Variants in SERHL2 observed in about 807,000 individuals in gnomAD.
SERHL2 encodes the protein serine hydrolase-like protein 2.
A neutral mutation model predicts 25.5 loss-of-function variants in SERHL2; 29 were observed. That is an observed-to-expected ratio of 1.14 (90% confidence interval 0.85 to 1.55). The LOEUF (loss-of-function observed/expected upper bound fraction) is 1.55, where lower values mean the gene tolerates loss of function less well. Among genes scored for constraint, SERHL2 ranks in the 40% most tolerant of loss-of-function variants. The probability of loss-of-function intolerance (pLI) is 0.00; values close to 1 mark genes in which losing one functional copy is unlikely to be tolerated. For missense variants in SERHL2, 240 were observed against 252.3 expected (o/e 0.95, Z 0.33); for synonymous variants, 95 against 103.5 (o/e 0.92, Z 0.50).
At chr22:42,568,330 T>C (rs1417962984) in intron 9 of SERHL2, among the ~76,000 whole-genome samples, 4 of 150,080 alleles carry the variant, frequency 2.7e-5, no homozygotes, top group Admixed American at 1.3e-4. Flanking sequence ...GCCATTGTAA[T>C]TGTTTTTCTA....
intron 1 of SERHL2, 144 bp downstream of exon 1, chr22:42,554,186 TGA>T: frequency 9.6e-7 from 1 of 1,043,464 alleles, no homozygotes; most frequent in Non-Finnish European, 1.4e-6. Context: ...TCCCGGGGCA[TGA>T]GAGCGCGACC....
At position 42,574,343 on chromosome 22, in the gene SERHL2, T is replaced by C. The variant is rs574792395; in HGVS notation, c.*288T>C. On this transcript the variant is annotated 3_prime_UTR_variant, in exon 12 of 12. Transcript: ENST00000327678. ...CTGGGCCCACCTAGCCTTTCCCTGCTGCCCAACTGGATGGAAAATAAAAGG... is the reference window on the plus strand; with the variant it reads ...CTGGGCCCACCTAGCCTTTCCCTGCCGCCCAACTGGATGGAAAATAAAAGG... 94 of 520,910 alleles carry C rather than the reference T, an allele frequency of 1.8e-4. No individual in the cohort carries two copies. Among genetic ancestry groups the C allele is most frequent in the African/African-American group, 1.6e-3 (86 of 52,124 alleles). 32.3% of individuals were successfully genotyped at this position (520,910 alleles called of 1,614,324 possible).
intron 10 of SERHL2, among the ~76,000 whole-genome samples, chr22:42,572,147 G>T (rs564100196): frequency 1.6e-3 from 238 of 152,206 alleles, no homozygotes; most frequent in African/African-American, 5.4e-3. Context: ...CGCCTGTTCA[G>T]ATCCCAGCTC....
intron 1 of SERHL2, 32 bp downstream of exon 1, chr22:42,554,074 A>G (rs1300488890): frequency 1.9e-6 from 3 of 1,610,734 alleles, no homozygotes; most frequent in Non-Finnish European, 2.5e-6. Context: ...CGAGCGTCCC[A>G]CTGCCCACCC....
chr22:42,570,991 G>A, intron 9 of SERHL2, 130 bp from the exon 10 acceptor site: 5 of 1,338,354 alleles, frequency 3.7e-6, no homozygotes, highest in South Asian at 1.3e-5. Flanking sequence ...GTGGGGTCCT[G>A]GGCTCAGACC....
intron 9 of SERHL2, among the ~76,000 whole-genome samples, chr22:42,568,148 G>A (rs146374074): frequency 1.6e-4 from 24 of 151,648 alleles, no homozygotes; most frequent in Admixed American, 1.1e-3. Flanking sequence ...CTCAGCCTCC[G>A]GAGTGGCTAG....
Position 42,572,445 on chromosome 22 carries a change from C to T in SERHL2, c.741C>T (p.His247=), listed in dbSNP as rs763211700. The change falls in exon 11 of 12, where the codon CAC becomes CAT. Residue 247 remains histidine (H), a synonymous_variant. Transcript: ENST00000327678. ...QAHVLLIKAV[H]GYFDSRQNYS... ...ACTCCTCACTTTCCAGAGCAGTCCACGGATATTTTGATTCAAGACAGAATT... is the reference window on the plus strand; with the variant it reads ...ACTCCTCACTTTCCAGAGCAGTCCATGGATATTTTGATTCAAGACAGAATT... 2.7e-5 allele frequency: 44 copies of T among 1,609,620 alleles called. No homozygotes were observed. The highest frequency in any genetic ancestry group is 3.6e-5 in the Non-Finnish European group (42 of 1,176,478).
At chr22:42,573,368 C>G (rs1449474076) in intron 11 of SERHL2, 2 of 152,076 alleles carry the variant, frequency 1.3e-5, no homozygotes, top group South Asian at 2.1e-4. Flanking sequence ...CTCAGCCTCC[C>G]GAGTAGCTGG....
rs1341551088 is a variant in SERHL2, at chr22:42,566,285, T to A, written c.614-19T>A. On this transcript the variant is annotated intron_variant, in intron 8 of 11. Coordinates refer to ENST00000327678, the MANE Select transcript of SERHL2 (RefSeq NM_014509.5). ...GATGGACAGCATTGACGCTGCTGTC[T>A]TTGTGCTTCCGCCTCCAGGTCTGGT... 1 of 1,610,578 alleles carries A rather than the reference T, an allele frequency of 6.2e-7. No homozygotes were observed. The highest frequency in any genetic ancestry group is 8.5e-7 in the Non-Finnish European group (1 of 1,178,430).
chr22:42,556,341 A>C, intron 5 of SERHL2, 173 bp from the exon 6 acceptor site: 1 of 541,918 alleles, frequency 1.8e-6, no homozygotes, highest in Non-Finnish European at 3.4e-6. Context: ...GTGCAGACTT[A>C]GGGGTGGTGG....
In SERHL2 at chr22:42,572,628, C is replaced by T. The variant is rs768185911; in HGVS notation, c.825+99C>T. 1.4e-4 allele frequency: 207 copies of T among 1,494,948 alleles called. 1 individual carries two copies. The highest frequency in any genetic ancestry group is 1.8e-4 in the Non-Finnish European group (197 of 1,116,540). 92.6% of individuals were successfully genotyped at this position (1,494,948 alleles called of 1,614,324 possible). On this transcript the variant is annotated intron_variant, in intron 11 of 11. Transcript: ENST00000327678. ...ATGCACTGGGAAGACCCTGGGTCTG[C>T]CCCCAGGCCCAACAAGTGACCACCA...
In SERHL2 at chr22:42,556,492, TC is replaced by T. The variant is rs1339509895; in HGVS notation, c.349-18del. 1.2e-6 allele frequency: 2 copies of T among 1,613,384 alleles called. 1 individual carries two copies. Among genetic ancestry groups the T allele is most frequent in the Admixed American group, 3.3e-5 (2 of 59,914 alleles). On this transcript the variant is annotated intron_variant, in intron 5 of 11. Coordinates refer to ENST00000327678, the MANE Select transcript of SERHL2 (RefSeq NM_014509.5). ...CTTTCCTTCTTCCCCCTATTCATTC[TC>T]CCCTTTTGGCATCCTCACAGTTTTT...
intron 6 of SERHL2, 185 bp downstream of exon 6, chr22:42,556,773 G>A: frequency 9.3e-6 from 7 of 750,502 alleles, no homozygotes; most frequent in South Asian, 8.0e-5. Flanking sequence ...CCCTAGCAGT[G>A]GTCAGGACAA....
At chr22:42,565,462 A>C (rs1455624399) in intron 8 of SERHL2, 1 of 151,560 alleles carries the variant, frequency 6.6e-6, no homozygotes, top group Non-Finnish European at 1.5e-5. Flanking sequence ...AGTAACTGGG[A>C]TTACAGGCAC....
At chr22:42,563,416 C>T in intron 8 of SERHL2, 1 of 441,530 alleles carries the variant, frequency 2.3e-6, no homozygotes, top group South Asian at 1.6e-5. Context: ...GTTGCCCAGG[C>T]TGGTCTCGAA....
At chr22:42,563,515 A>AAAAAC (rs1216949349) in intron 8 of SERHL2, 2 of 338,934 alleles carry the variant, frequency 5.9e-6, no homozygotes. Context: ...ACCCTGTCTT[A>AAAAAC]AAAACAAAAC....
chr22:42,573,280 G>A (rs1278163021), intron 11 of SERHL2: 1 of 139,044 alleles, frequency 7.2e-6, no homozygotes, highest in African/African-American at 2.8e-5. Flanking sequence ...GTGTCGCTCT[G>A]TTGCCCAGGC....
intron 6 of SERHL2, 81 bp downstream of exon 6, chr22:42,556,669 T>C: frequency 8.4e-7 from 1 of 1,192,534 alleles, no homozygotes; most frequent in South Asian, 1.3e-5. Context: ...TCTCCTTTGG[T>C]GGACACTAGG....
intron 9 of SERHL2, chr22:42,569,622 C>G (rs1271950657): frequency 6.6e-6 from 1 of 151,880 alleles, no homozygotes. Context: ...GCCCAGGAAG[C>G]CCCTCCTGTG....
Sources: allele counts gnomAD v4.1 joint callset (sites outside exome capture counted in the v4.1 genomes callset), GRCh38; gene constraint gnomAD v4.1.1; transcripts MANE v1.5; gene names NCBI Gene and HGNC (gene_info 2026-07-23, HGNC 2026-07-21).